CTNNA3: variants seen among roughly 807,000 people sequenced by gnomAD.
CTNNA3 encodes the protein catenin alpha-3.
A neutral mutation model predicts 95.7 loss-of-function variants in CTNNA3; 76 were observed. The ratio of observed to expected loss-of-function variants is 0.79; its 90% CI spans 0.66 to 0.96. CTNNA3 has a LOEUF of 0.96. Ranked by LOEUF, CTNNA3 falls within the 40% of genes least tolerant of loss-of-function variation. The pLI, the probability that CTNNA3 is intolerant of heterozygous loss-of-function variation, is 0.00. For missense variants in CTNNA3, 1,191 were observed against 1,089.8 expected (o/e 1.09, Z -1.31); for synonymous variants, 431 against 374.4 (o/e 1.15, Z -1.74).
At chr10:66,900,097 G>C (rs946042117) in intron 7 of CTNNA3, among the ~76,000 whole-genome samples, 1 of 152,062 alleles carries the variant, frequency 6.6e-6, no homozygotes, top group African/African-American at 2.4e-5. Flanking sequence ...CTCCCAGTAG[G>C]GGCCGACAGA....
At chr10:66,680,434 T>A (rs1243665582) in intron 9 of CTNNA3, among the ~76,000 whole-genome samples, 1 of 151,942 alleles carries the variant, frequency 6.6e-6, no homozygotes, top group African/African-American at 2.4e-5. Flanking sequence ...CAAAGAAGAG[T>A]AGAGGAAAGG....
At chr10:67,207,711 C>T (rs983154559) in intron 6 of CTNNA3, among the ~76,000 whole-genome samples, 1 of 152,180 alleles carries the variant, frequency 6.6e-6, no homozygotes, top group Non-Finnish European at 1.5e-5. Flanking sequence ...AGAATCAGAA[C>T]CTTACAATCT....
rs576938335 is a variant in CTNNA3 at position 66,404,178 on chromosome 10, G to A, written c.1532-24826C>T. Among the ~76,000 whole-genome samples, 13 of 152,176 alleles carry A rather than the reference G, an allele frequency of 8.5e-5. No homozygotes were observed. The South Asian group carries it at 2.7e-3, about 32-fold the overall frequency. ...TCACTCAGAGGCAGACTCAGTACCT[G>A]AGGACCGTTTTCTACACCTTTATGA... On this transcript the variant is annotated intron_variant, in intron 11 of 17. Coordinates refer to ENST00000433211, the MANE Select transcript of CTNNA3 (RefSeq NM_013266.4).
rs112275248 is a variant in CTNNA3 at position 65,919,856 on chromosome 10, C to T, written c.*474G>A. The T allele has an allele frequency of 0.025, 3,901 of 154,702 alleles. 175 individuals are homozygous for T. The highest frequency in any genetic ancestry group is 0.089 in the African/African-American group (3,669 of 41,434). 9.6% of individuals were successfully genotyped at this position (154,702 alleles called of 1,614,324 possible). On this transcript the variant is annotated 3_prime_UTR_variant, in exon 18 of 18. Coordinates refer to ENST00000433211, the MANE Select transcript of CTNNA3 (RefSeq NM_013266.4). Reference sequence around the variant, plus strand: ...TCATACATTTCTGCCTGGTTAGGTGCCAGGTTAGATCAGATAAAGAAAGCA... The same window carrying T: ...TCATACATTTCTGCCTGGTTAGGTGTCAGGTTAGATCAGATAAAGAAAGCA...
intron 11 of CTNNA3, among the ~76,000 whole-genome samples, chr10:66,423,987 A>G: frequency 6.6e-6 from 1 of 152,148 alleles, no homozygotes; most frequent in East Asian, 1.9e-4. Context: ...CCACTTGGCA[A>G]CTTACTCAGG....
chr10:66,182,480 C>T (rs986136089), intron 13 of CTNNA3, among the ~76,000 whole-genome samples: 10 of 152,194 alleles, frequency 6.6e-5, no homozygotes, highest in African/African-American at 2.2e-4. Context: ...TGGTCTCGAT[C>T]TCCTGATCTC....
At position 66,306,993 on chromosome 10, in the gene CTNNA3, T is replaced by C. The variant is rs530596515; in HGVS notation, c.1733-26372A>G. On this transcript the variant is annotated intron_variant, in intron 12 of 17. Coordinates refer to ENST00000433211, the MANE Select transcript of CTNNA3 (RefSeq NM_013266.4). ...AACAAAAAAATTAGCTAACAGTTAC[T>C]GAACCTGCGTGTCAGGCACAACGGC... is the stretch of plus-strand genomic sequence containing the variant. Among the ~76,000 whole-genome samples, 26 of 152,356 alleles carry C rather than the reference T, an allele frequency of 1.7e-4. No homozygotes were observed. In the East Asian group the frequency reaches 4.2e-3, roughly 25 times the overall value.
chr10:66,526,850 C>G (rs935285660), intron 10 of CTNNA3, among the ~76,000 whole-genome samples: 7 of 152,082 alleles, frequency 4.6e-5, no homozygotes, highest in Non-Finnish European at 1.0e-4. Context: ...AATCTCTGAT[C>G]ATATATATGA....
chr10:67,088,425 A>G (rs1857429656), intron 7 of CTNNA3, among the ~76,000 whole-genome samples: 1 of 152,008 alleles, frequency 6.6e-6, no homozygotes, highest in Non-Finnish European at 1.5e-5. Context: ...GCTTCATAAA[A>G]CACAAAATAT....
chr10:67,090,739 C>T (rs888544292), intron 7 of CTNNA3, among the ~76,000 whole-genome samples: 1 of 151,976 alleles, frequency 6.6e-6, no homozygotes, highest in African/African-American at 2.4e-5. Context: ...GTCCAGGCCA[C>T]GCATCAACTG....
At chr10:66,327,906 T>C (rs771222110) in intron 12 of CTNNA3, among the ~76,000 whole-genome samples, 1 of 152,092 alleles carries the variant, frequency 6.6e-6, no homozygotes, top group Non-Finnish European at 1.5e-5. Flanking sequence ...GCTTGTTTCT[T>C]AACTTCAATC....
chr10:67,546,139 C>A (rs1276266032), intron 3 of CTNNA3, among the ~76,000 whole-genome samples: 1 of 151,846 alleles, frequency 6.6e-6, no homozygotes, highest in African/African-American at 2.4e-5. Flanking sequence ...TTAAATTTGA[C>A]AATTTTTTTT....
intron 9 of CTNNA3, among the ~76,000 whole-genome samples, chr10:66,696,720 G>T (rs1043783974): frequency 2.0e-5 from 3 of 151,980 alleles, no homozygotes; most frequent in Admixed American, 6.6e-5. Context: ...ATCATTTGAG[G>T]TCAGGAGTTC....
At chr10:67,476,250 AC>A (rs977523466) in intron 5 of CTNNA3, among the ~76,000 whole-genome samples, 4 of 152,076 alleles carry the variant, frequency 2.6e-5, no homozygotes, top group Non-Finnish European at 5.9e-5. Context: ...AAACCGTGGT[AC>A]TGCTCCATGC....
At chr10:66,358,510 G>T (rs2092628564) in intron 12 of CTNNA3, among the ~76,000 whole-genome samples, 1 of 152,124 alleles carries the variant, frequency 6.6e-6, no homozygotes, top group Non-Finnish European at 1.5e-5. Flanking sequence ...GTTAGGGAAA[G>T]GTATACTTAC....
At chr10:67,253,434 A>G (rs1866190728) in intron 5 of CTNNA3, among the ~76,000 whole-genome samples, 1 of 152,226 alleles carries the variant, frequency 6.6e-6, no homozygotes, top group South Asian at 2.1e-4. Flanking sequence ...CTATATTTTT[A>G]GACCATGCAA....
intron 7 of CTNNA3, among the ~76,000 whole-genome samples, chr10:66,797,340 C>A (rs1324773848): frequency 1.3e-5 from 2 of 149,838 alleles, no homozygotes; most frequent in East Asian, 2.0e-4. Flanking sequence ...GATGGCAATC[C>A]TACATTTCCA....
intron 7 of CTNNA3, among the ~76,000 whole-genome samples, chr10:67,025,787 C>T (rs1385512094): frequency 1.3e-5 from 2 of 151,778 alleles, no homozygotes; most frequent in Admixed American, 6.6e-5. Flanking sequence ...TACTGATGAT[C>T]GCTATAAAGA....
At chr10:66,310,665 A>G (rs1395070779) in intron 12 of CTNNA3, among the ~76,000 whole-genome samples, 4 of 151,456 alleles carry the variant, frequency 2.6e-5, no homozygotes, top group Non-Finnish European at 5.9e-5. Context: ...CAGTTGAGCA[A>G]TAATATTTGT....
Sources: allele counts gnomAD v4.1 joint callset (sites outside exome capture counted in the v4.1 genomes callset), GRCh38; gene constraint gnomAD v4.1.1; transcripts MANE v1.5; gene names NCBI Gene and HGNC (gene_info 2026-07-23, HGNC 2026-07-21).